Variants in KCNMB3 observed in about 807,000 individuals in gnomAD.
KCNMB3 encodes calcium-activated potassium channel subunit beta-3.
KCNMB3 carries 18 observed loss-of-function variants against 11.9 expected under a neutral mutation model. That is an observed-to-expected ratio of 1.51 (90% CI 1.04 to 2.23). KCNMB3 has a LOEUF of 2.23. Among genes scored for constraint, KCNMB3 ranks in the 30% most tolerant of loss-of-function variants. The pLI is 0.00. For synonymous variants in KCNMB3, 78 were observed against 119.2 expected (o/e 0.65, Z 2.25); for missense variants, 247 against 329.4 (o/e 0.75, Z 1.94).
chr3:179,262,491 G>A lies in KCNMB3; in HGVS notation c.62+4158C>T, dbSNP rs138029909. 1.4e-3 allele frequency among the ~76,000 whole-genome samples: 207 copies of A among 152,324 alleles called. 1 individual carries two copies. The highest frequency in any genetic ancestry group is 4.6e-3 in the African/African-American group (193 of 41,580). The stretch of plus-strand genomic sequence containing the variant: ...CTCATAAAGGCAGCGTGGACCCAAA[G>A]AACGAGCAGTACCAAGATTTATTGC... On this transcript the variant is annotated intron_variant, in intron 1 of 3. Coordinates refer to the KCNMB3 transcript ENST00000349697.
At chr3:179,250,131 T>C (rs550024381) in intron 1 of KCNMB3, among the ~76,000 whole-genome samples, 2 of 152,246 alleles carry the variant, frequency 1.3e-5, no homozygotes, top group East Asian at 3.9e-4. Context: ...CTCCCTGTCC[T>C]CTTCATGTTG....
chr3:179,266,658 C>A (rs893197704), exon 1 of KCNMB3: 6 of 1,614,014 alleles, frequency 3.7e-6, no homozygotes, highest in Non-Finnish European at 5.1e-6. Flanking sequence ...CCTCCCCTGG[C>A]GCCTCCGGCT....
intron 1 of KCNMB3, chr3:179,259,312 A>C: frequency 6.4e-7 from 1 of 1,561,696 alleles, no homozygotes; most frequent in Non-Finnish European, 8.6e-7. Context: ...GGATTGCTTT[A>C]AGTGGCACCA....
intron 1 of KCNMB3, among the ~76,000 whole-genome samples, chr3:179,258,557 T>C (rs1726098288): frequency 6.6e-6 from 1 of 152,202 alleles, no homozygotes; most frequent in African/African-American, 2.4e-5. Context: ...TATTTTAAAA[T>C]CAAATATGAA....
intron 1 of KCNMB3, chr3:179,258,883 A>G: frequency 6.3e-7 from 1 of 1,589,218 alleles, no homozygotes; most frequent in Non-Finnish European, 8.6e-7. Context: ...CTATAACTTA[A>G]AGCAGTAGAT....
chr3:179,261,096 A>T (rs1483673823), intron 1 of KCNMB3: 2 of 1,189,804 alleles, frequency 1.7e-6, no homozygotes, highest in African/African-American at 1.5e-5. Context: ...TTCTCAGTAA[A>T]ATATTTTTCT....
At chr3:179,260,870 T>C in intron 1 of KCNMB3, 1 of 1,166,482 alleles carries the variant, frequency 8.6e-7, no homozygotes, top group Non-Finnish European at 1.3e-6. Flanking sequence ...GGTGTCAACT[T>C]GGTAAATGAA....
chr3:179,254,429 GTTGT>G (rs534559691), upstream of KCNMB3, among the ~76,000 whole-genome samples: 184 of 152,362 alleles, frequency 1.2e-3, no homozygotes, highest in Non-Finnish European at 1.5e-3. Flanking sequence ...TTCGTGTAAT[GTTGT>G]TTAAGTAGGT....
chr3:179,266,602 G>T, intron 1 of KCNMB3: 1 of 1,609,170 alleles, frequency 6.2e-7, no homozygotes, highest in Middle Eastern at 1.7e-4. Flanking sequence ...GCAACTGCTT[G>T]TTCAGCCAGA....
intron 1 of KCNMB3, chr3:179,259,984 C>G (rs1452718637): frequency 3.1e-6 from 5 of 1,612,838 alleles, no homozygotes; most frequent in East Asian, 4.5e-5. Flanking sequence ...TGCACTGGAA[C>G]CTCCTTGGGC....
chr3:179,263,527 C>T (rs1031512083), intron 1 of KCNMB3, among the ~76,000 whole-genome samples: 1 of 152,232 alleles, frequency 6.6e-6, no homozygotes, highest in Non-Finnish European at 1.5e-5. Context: ...GGGCTGCCAG[C>T]ACGTTGTCAC....
At chr3:179,241,371 T>C (rs1228997464), downstream of KCNMB3, 2 of 154,364 alleles carry the variant, frequency 1.3e-5, no homozygotes, top group East Asian at 1.9e-4. Flanking sequence ...CTGAGACACA[T>C]GTTCTTTCCA....
At chr3:179,251,678 C>T (rs1725849586), upstream of KCNMB3, 10 of 1,225,180 alleles carry the variant, frequency 8.2e-6, no homozygotes, top group South Asian at 3.6e-4. Context: ...TGGCGGCATC[C>T]AGCCCACAGA....
At chr3:179,259,947 T>C in intron 1 of KCNMB3, 3 of 1,613,252 alleles carry the variant, frequency 1.9e-6, no homozygotes, top group Non-Finnish European at 2.5e-6. Flanking sequence ...CTCTTCTTCG[T>C]TGTGATCCCT....
At chr3:179,259,222 A>G in intron 1 of KCNMB3, 1 of 1,537,368 alleles carries the variant, frequency 6.5e-7, no homozygotes, top group Non-Finnish European at 8.7e-7. Flanking sequence ...TCTGCTTCAC[A>G]GGCATCACTA....
At chr3:179,261,423 G>A (rs192422847) in intron 1 of KCNMB3, 2 of 1,049,998 alleles carry the variant, frequency 1.9e-6, no homozygotes, top group African/African-American at 1.7e-5. Context: ...CCGGGGCCAA[G>A]AGCCAGCCCG....
intron 1 of KCNMB3, chr3:179,260,774 T>C: frequency 4.2e-6 from 6 of 1,437,444 alleles, no homozygotes; most frequent in Non-Finnish European, 4.9e-6. Flanking sequence ...GGCGTGTTTT[T>C]CCCTTTCAAA....
At chr3:179,250,498 G>A (rs942563231) in intron 1 of KCNMB3, among the ~76,000 whole-genome samples, 4 of 152,174 alleles carry the variant, frequency 2.6e-5, no homozygotes, top group Non-Finnish European at 4.4e-5. Flanking sequence ...CGTGTTTGGA[G>A]GTATATATAG....
upstream of KCNMB3, among the ~76,000 whole-genome samples, chr3:179,254,546 C>T (rs1725949745): frequency 6.6e-6 from 1 of 152,168 alleles, no homozygotes; most frequent in African/African-American, 2.4e-5. Flanking sequence ...CGCAATGGCT[C>T]ACGCCTGTAA....
Sources: allele counts gnomAD v4.1 joint callset (sites outside exome capture counted in the v4.1 genomes callset), GRCh38; gene constraint gnomAD v4.1.1; transcripts MANE v1.5; gene names NCBI Gene and HGNC (gene_info 2026-07-23, HGNC 2026-07-21).